SLC14A2: variants seen among roughly 807,000 people sequenced by gnomAD.
SLC14A2 encodes solute carrier family 14 member 2, also known as urea transporter 2.
A neutral mutation model predicts 104.6 loss-of-function variants in SLC14A2; 91 were observed. The observed-to-expected ratio is 0.87, with a 90% CI of 0.73 to 1.04. The LOEUF is 1.04. Among genes scored for constraint, SLC14A2 ranks in the 50% least tolerant of loss-of-function variants. The pLI, the probability that SLC14A2 is intolerant of heterozygous loss-of-function variation, is 0.00. For synonymous variants in SLC14A2, 476 were observed against 466.4 expected, an observed-to-expected ratio of 1.02 and a Z score of -0.27; for missense variants, 1,189 against 1,156.0, an observed-to-expected ratio of 1.03 and a Z score of -0.41.
chr18:45,193,674 C>T, the SLC14A2 span, among the ~76,000 whole-genome samples: 1 of 152,068 alleles, frequency 6.6e-6, no homozygotes, highest in Non-Finnish European at 1.5e-5. Context: ...TCTTCTTTTT[C>T]AAAGTCGTTT....
rs1042881448 is a variant in SLC14A2 at position 45,327,844 on chromosome 18, C to T, written c.-125+114653C>T. Among the ~76,000 whole-genome samples the T allele has an allele frequency of 3.3e-5, 5 of 151,998 alleles. No homozygotes were observed. In the East Asian group the frequency reaches 7.7e-4, roughly 23 times the overall value. On this transcript the variant is annotated intron_variant, in intron 1 of 20. Coordinates refer to the SLC14A2 transcript ENST00000586448. Reference sequence around the variant, plus strand: ...CCTAAATTATAGGGGTAGGAGTGAGCGAAGGGAATGATAAGGCTTGGTAAA... The same window carrying T: ...CCTAAATTATAGGGGTAGGAGTGAGTGAAGGGAATGATAAGGCTTGGTAAA...
At chr18:45,473,796 T>C (rs955404629) in intron 1 of SLC14A2, among the ~76,000 whole-genome samples, 1 of 152,190 alleles carries the variant, frequency 6.6e-6, no homozygotes, top group Non-Finnish European at 1.5e-5. Flanking sequence ...GATGGGGTTT[T>C]CTAAATATAC....
chr18:45,384,048 G>A (rs974777774), intron 1 of SLC14A2, among the ~76,000 whole-genome samples: 2 of 152,186 alleles, frequency 1.3e-5, no homozygotes, highest in Non-Finnish European at 2.9e-5. Context: ...GTTGGGCAGA[G>A]GGGAAAAGAG....
At chr18:45,512,964 A>G (rs1393829260) in intron 2 of SLC14A2, among the ~76,000 whole-genome samples, 3 of 152,156 alleles carry the variant, frequency 2.0e-5, no homozygotes, top group Admixed American at 1.3e-4. Flanking sequence ...TGATCAAGCA[A>G]GTGATTCTTT....
Position 45,332,550 on chromosome 18 carries a change from A to C in SLC14A2, c.-125+119359A>C, listed in dbSNP as rs1050981846. Reference sequence around the variant, plus strand: ...ATATTATTGTGCCCACTAATAATTAAGGACCAGGTCCTGGATGGTTCCTGT... The same window carrying C: ...ATATTATTGTGCCCACTAATAATTACGGACCAGGTCCTGGATGGTTCCTGT... On this transcript the variant is annotated intron_variant, in intron 1 of 20. Transcript: ENST00000586448. Among the ~76,000 whole-genome samples the C allele has an allele frequency of 2.0e-5, 3 of 152,218 alleles. No homozygotes were observed. In the East Asian group the frequency reaches 5.8e-4, roughly 29 times the overall value.
chr18:45,503,847 G>C (rs2043240177), intron 2 of SLC14A2, among the ~76,000 whole-genome samples: 3 of 152,160 alleles, frequency 2.0e-5, no homozygotes, highest in Non-Finnish European at 2.9e-5. Flanking sequence ...AGATACCACT[G>C]GAAGTAGGTA....
Position 45,234,808 on chromosome 18 carries a change from A to G in SLC14A2, c.-125+21617A>G, listed in dbSNP as rs145461835. Among the ~76,000 whole-genome samples the G allele has an allele frequency of 2.0e-5, 3 of 152,122 alleles. No individual in the cohort carries two copies. The South Asian group carries it at 6.2e-4, about 32-fold the overall frequency. On this transcript the variant is annotated intron_variant, in intron 1 of 20. Transcript: ENST00000586448. Reference sequence around the variant, plus strand: ...CTATTTCTAATGGGATGAATTATTTATATAGCAGCATTTTGTTTTTATTAT... The same window carrying G: ...CTATTTCTAATGGGATGAATTATTTGTATAGCAGCATTTTGTTTTTATTAT...
chr18:45,674,824 G>A (rs1007927102), intron 18 of SLC14A2, among the ~76,000 whole-genome samples: 7 of 152,150 alleles, frequency 4.6e-5, no homozygotes, highest in African/African-American at 1.4e-4. Flanking sequence ...AAAATTTAAG[G>A]AGGTGCTTAC....
At chr18:45,254,589 C>A (rs868450701) in intron 1 of SLC14A2, among the ~76,000 whole-genome samples, 24 of 152,176 alleles carry the variant, frequency 1.6e-4, no homozygotes, top group Middle Eastern at 3.2e-3. Context: ...TGAAGGCCTG[C>A]AGGCAGCTGA....
chr18:45,462,314 C>G (rs1446866175), intron 1 of SLC14A2, among the ~76,000 whole-genome samples: 1 of 152,178 alleles, frequency 6.6e-6, no homozygotes, highest in South Asian at 2.1e-4. Context: ...ACTTTTAGAG[C>G]CAGCCAACTT....
intron 1 of SLC14A2, among the ~76,000 whole-genome samples, chr18:45,275,001 T>C (rs936594322): frequency 2.6e-5 from 4 of 152,238 alleles, no homozygotes; most frequent in African/African-American, 7.2e-5. Flanking sequence ...AGATTTATCC[T>C]TAGTTATGAT....
At chr18:45,440,133 A>C (rs1441724039) in intron 1 of SLC14A2, among the ~76,000 whole-genome samples, 6 of 152,334 alleles carry the variant, frequency 3.9e-5, no homozygotes, top group African/African-American at 1.2e-4. Context: ...GCTCTTCCAA[A>C]GGAGTATGAA....
At chr18:45,306,076 G>A (rs2085018110) in intron 1 of SLC14A2, among the ~76,000 whole-genome samples, 1 of 152,170 alleles carries the variant, frequency 6.6e-6, no homozygotes, top group South Asian at 2.1e-4. Context: ...CTGATGGATA[G>A]AACAGCCGCG....
chr18:45,290,357 C>G (rs2084857279), intron 1 of SLC14A2, among the ~76,000 whole-genome samples: 1 of 152,144 alleles, frequency 6.6e-6, no homozygotes, highest in Non-Finnish European at 1.5e-5. Context: ...TTGTTAAAAG[C>G]AAGACAAACT....
intron 1 of SLC14A2, among the ~76,000 whole-genome samples, chr18:45,275,416 T>C (rs1158829340): frequency 6.6e-6 from 1 of 152,192 alleles, no homozygotes; most frequent in African/African-American, 2.4e-5. Flanking sequence ...TGGAGTAGTT[T>C]TGCAAACCAG....
At chr18:45,373,910 AT>A (rs2085748058) in intron 1 of SLC14A2, among the ~76,000 whole-genome samples, 2 of 152,320 alleles carry the variant, frequency 1.3e-5, no homozygotes, top group South Asian at 4.1e-4. Flanking sequence ...TTGTTTTTGA[AT>A]TGTGAAGACA....
intron 1 of SLC14A2, among the ~76,000 whole-genome samples, chr18:45,623,881 G>A (rs2045216934): frequency 6.6e-6 from 1 of 152,206 alleles, no homozygotes; most frequent in Non-Finnish European, 1.5e-5. Context: ...TGAGCTGGAG[G>A]AGGCTAGAGA....
chr18:45,459,343 CT>C (rs1446454392), intron 1 of SLC14A2, among the ~76,000 whole-genome samples: 8 of 152,220 alleles, frequency 5.3e-5, no homozygotes, highest in Non-Finnish European at 8.8e-5. Context: ...TCGACCTTGT[CT>C]CCATGTGCTG....
chr18:45,556,270 A>C (rs116834904), intron 2 of SLC14A2, among the ~76,000 whole-genome samples: 106 of 152,162 alleles, frequency 7.0e-4, no homozygotes, highest in African/African-American at 2.4e-3. Context: ...TTGGGGAAAC[A>C]CAACATGCAG....
Sources: gnomAD v4.1 joint callset for allele counts (sites outside exome capture counted in the v4.1 genomes callset) on GRCh38, gnomAD v4.1.1 for gene constraint, MANE v1.5 for transcripts, NCBI Gene and HGNC (gene_info 2026-07-23, HGNC 2026-07-21) for gene names.